RARB: variants seen among roughly 807,000 people sequenced by gnomAD.
RARB encodes retinoic acid receptor beta, also known as HBV-activated protein.
Under a neutral mutation model 51.9 loss-of-function variants are expected in RARB, and 17 were observed. That is an observed-to-expected ratio of 0.33 (90% CI 0.22 to 0.49). The LOEUF (loss-of-function observed/expected upper bound fraction) is 0.49, where lower values mean the gene tolerates loss of function less well. Among genes scored for constraint, RARB ranks in the 20% least tolerant of loss-of-function variants. RARB has a pLI of 0.99. For missense variants in RARB, 369 were observed against 550.8 expected, an observed-to-expected ratio of 0.67 and a Z score of 3.30; for synonymous variants, 215 against 195.4, an observed-to-expected ratio of 1.10 and a Z score of -0.84.
intron 3 of RARB, among the ~76,000 whole-genome samples, chr3:25,517,891 C>T (rs965592977): frequency 1.3e-5 from 2 of 152,076 alleles, no homozygotes; most frequent in African/African-American, 4.8e-5. Flanking sequence ...AAGCCAGACA[C>T]AAAAGGCCCC....
chr3:25,480,948 G>A (rs1363919496), intron 2 of RARB, among the ~76,000 whole-genome samples: 3 of 152,132 alleles, frequency 2.0e-5, no homozygotes, highest in African/African-American at 7.2e-5. Context: ...GGTTCAGGGG[G>A]TCTAGAAATG....
intron 5 of RARB, among the ~76,000 whole-genome samples, chr3:25,419,487 T>C (rs1473777529): frequency 6.6e-6 from 1 of 152,138 alleles, no homozygotes; most frequent in Non-Finnish European, 1.5e-5. Flanking sequence ...GGAGCCTGAC[T>C]AAAGCTTTGG....
chr3:25,301,292 G>C (rs899601106), intron 5 of RARB, among the ~76,000 whole-genome samples: 3 of 152,156 alleles, frequency 2.0e-5, no homozygotes, highest in African/African-American at 7.2e-5. Flanking sequence ...TCAGCTACCT[G>C]GGGACTCTCC....
At chr3:25,022,468 A>G (rs1697658026) in intron 2 of RARB, among the ~76,000 whole-genome samples, 1 of 152,166 alleles carries the variant, frequency 6.6e-6, no homozygotes, top group African/African-American at 2.4e-5. Context: ...GGGCAATGGG[A>G]GTAGTTTCTA....
At chr3:25,570,042 G>A (rs1700649628) in intron 4 of RARB, 124 bp downstream of exon 4, 1 of 1,342,646 alleles carries the variant, frequency 7.4e-7, no homozygotes, top group Non-Finnish European at 1.0e-6. Context: ...GCCTGGCAGG[G>A]GCTTGCATGC....
In RARB at chr3:25,047,765, A is replaced by T. The variant is rs181824909; in HGVS notation, c.-379-12360A>T. On this transcript the variant is annotated intron_variant, in intron 2 of 11. Transcript: ENST00000383772. The stretch of plus-strand genomic sequence containing the variant: ...CAACACCTAGTCTTCCCACTGTACC[A>T]TACTGTCTATCTGCATTTCTCACCT... Among the ~76,000 whole-genome samples the T allele has an allele frequency of 1.8e-4, 28 of 152,288 alleles. No homozygotes were observed. In the East Asian group the frequency reaches 5.2e-3, roughly 28 times the overall value.
At chr3:24,921,844 G>T (rs2125387398) in intron 2 of RARB, among the ~76,000 whole-genome samples, 1 of 152,296 alleles carries the variant, frequency 6.6e-6, no homozygotes, top group South Asian at 2.1e-4. Context: ...AGATGATGCA[G>T]AATCCTAAGA....
intron 2 of RARB, among the ~76,000 whole-genome samples, chr3:24,934,184 C>G (rs1402217631): frequency 6.6e-6 from 1 of 152,094 alleles, no homozygotes; most frequent in African/African-American, 2.4e-5. Flanking sequence ...CCTAGCTAGC[C>G]AGAGGAGGGA....
chr3:25,093,763 TG>T (rs35757271), intron 3 of RARB, among the ~76,000 whole-genome samples: 1 of 152,098 alleles, frequency 6.6e-6, no homozygotes, highest in Non-Finnish European at 1.5e-5. Context: ...ACCACTCCTG[TG>T]GCCCAGCCAG....
At chr3:25,056,121 G>A (rs1284043370) in intron 2 of RARB, among the ~76,000 whole-genome samples, 1 of 152,054 alleles carries the variant, frequency 6.6e-6, no homozygotes, top group African/African-American at 2.4e-5. Context: ...GGTTTCAGGG[G>A]GTCAAGAGAT....
chr3:24,918,946 G>A (rs1445241127), intron 2 of RARB, among the ~76,000 whole-genome samples: 1 of 152,110 alleles, frequency 6.6e-6, no homozygotes, highest in African/African-American at 2.4e-5. Context: ...AGTCAAAATT[G>A]TAGAGTTTTG....
At chr3:25,203,489 T>G (rs1701449619) in intron 5 of RARB, among the ~76,000 whole-genome samples, 2 of 152,346 alleles carry the variant, frequency 1.3e-5, no homozygotes, top group South Asian at 2.1e-4. Context: ...GTTAGCTGGT[T>G]ATTTTGCTCA....
intron 5 of RARB, among the ~76,000 whole-genome samples, chr3:25,420,680 G>T (rs189181781): frequency 1.3e-5 from 2 of 152,108 alleles, no homozygotes; most frequent in African/African-American, 4.8e-5. Flanking sequence ...CACCTTTGGG[G>T]GTTTAGGTCA....
At chr3:25,232,098 G>GA (rs1249411659) in intron 5 of RARB, among the ~76,000 whole-genome samples, 6 of 152,114 alleles carry the variant, frequency 3.9e-5, no homozygotes, top group Non-Finnish European at 5.9e-5. Context: ...GGTATTTGTT[G>GA]AAAAAACTAA....
At chr3:24,999,909 G>GC (rs1697122470) in intron 2 of RARB, among the ~76,000 whole-genome samples, 1 of 151,906 alleles carries the variant, frequency 6.6e-6, no homozygotes, top group African/African-American at 2.4e-5. Flanking sequence ...TTGATGCAAG[G>GC]TAAAAAAGAG....
chr3:25,212,522 G>C (rs1191627861), intron 5 of RARB, among the ~76,000 whole-genome samples: 1 of 152,160 alleles, frequency 6.6e-6, no homozygotes, highest in African/African-American at 2.4e-5. Flanking sequence ...GGAGGCTGAG[G>C]CAGAAGGATC....
chr3:25,402,542 G>A (rs1559386250), intron 5 of RARB, among the ~76,000 whole-genome samples: 1 of 152,096 alleles, frequency 6.6e-6, no homozygotes, highest in Non-Finnish European at 1.5e-5. Flanking sequence ...GCTAAGATTT[G>A]GAAGCAACCT....
chr3:25,122,006 G>C (rs1300107022), intron 3 of RARB, among the ~76,000 whole-genome samples: 2 of 152,124 alleles, frequency 1.3e-5, no homozygotes, highest in African/African-American at 4.8e-5. Flanking sequence ...GATTCAATGT[G>C]ACATTCTCTT....
chr3:25,107,455 A>T (rs1406575689), intron 3 of RARB, among the ~76,000 whole-genome samples: 1 of 152,190 alleles, frequency 6.6e-6, no homozygotes, highest in East Asian at 1.9e-4. Flanking sequence ...AACTGCTATT[A>T]TTATTTCTAG....
Sources: gnomAD v4.1 joint callset for allele counts (sites outside exome capture counted in the v4.1 genomes callset) on GRCh38, gnomAD v4.1.1 for gene constraint, MANE v1.5 for transcripts, NCBI Gene and HGNC (gene_info 2026-07-23, HGNC 2026-07-21) for gene names.